BACH1: variants seen among roughly 807,000 people sequenced by gnomAD.
BACH1 encodes BTB domain and CNC homolog 1.
A neutral mutation model predicts 52.9 loss-of-function variants in BACH1; 35 were observed. The observed-to-expected ratio is 0.66, with a 90% confidence interval of 0.51 to 0.88. The LOEUF is 0.88. Among genes scored for constraint, BACH1 ranks in the 40% least tolerant of loss-of-function variants. The probability of loss-of-function intolerance (pLI) is 0.00; values close to 1 mark genes in which losing one functional copy is unlikely to be tolerated. For synonymous variants in BACH1, 321 were observed against 319.6 expected (o/e 1.00, Z -0.05); for missense variants, 808 against 872.6 (o/e 0.93, Z 0.93).
intron 1 of BACH1, among the ~76,000 whole-genome samples, chr21:29,315,589 G>A (rs372207791): frequency 1.2e-4 from 18 of 152,146 alleles, no homozygotes; most frequent in African/African-American, 4.3e-4. Flanking sequence ...CATATGCACC[G>A]TTCCTGATGT....
At position 29,332,062 on chromosome 21, in the gene BACH1, A is replaced by G. The variant is rs542300272; in HGVS notation, c.1776+2369A>G. On this transcript the variant is annotated intron_variant, in intron 4 of 4. Coordinates refer to ENST00000286800, the MANE Select transcript of BACH1 (RefSeq NM_001186.4). Reference sequence around the variant, plus strand: ...ATTCTCCTGCCTCAGCCTCCTGAGTAGCTGGGATTACAGGCACGTGCCACC... The same window carrying G: ...ATTCTCCTGCCTCAGCCTCCTGAGTGGCTGGGATTACAGGCACGTGCCACC... 2.0e-5 allele frequency among the ~76,000 whole-genome samples: 3 copies of G among 152,136 alleles called. No homozygotes were observed. The East Asian group carries it at 5.8e-4, about 29-fold the overall frequency.
At chr21:29,300,159 G>A (rs1049254182) in intron 1 of BACH1, 1 of 152,228 alleles carries the variant, frequency 6.6e-6, no homozygotes, top group Non-Finnish European at 1.5e-5. Context: ...AAGAAGCTTA[G>A]GGAAGAAAGG....
intron 1 of BACH1, among the ~76,000 whole-genome samples, chr21:29,313,508 A>G (rs1321750689): frequency 6.6e-6 from 1 of 152,260 alleles, no homozygotes; most frequent in South Asian, 2.1e-4. Flanking sequence ...CTTTATTACA[A>G]TAATCCCAAA....
chr21:29,299,572 C>G (rs1181030197), intron 1 of BACH1: 2 of 152,260 alleles, frequency 1.3e-5, no homozygotes, highest in Non-Finnish European at 2.9e-5. Flanking sequence ...TTTGCCCACG[C>G]GTTGTAATTA....
chr21:29,317,372 G>A (rs1256864781), intron 1 of BACH1, among the ~76,000 whole-genome samples: 3 of 152,288 alleles, frequency 2.0e-5, no homozygotes, highest in South Asian at 4.1e-4. Flanking sequence ...CTTGGGTTAT[G>A]GCAGGGAACA....
At chr21:29,309,781 C>T (rs2088699425) in intron 1 of BACH1, among the ~76,000 whole-genome samples, 1 of 152,138 alleles carries the variant, frequency 6.6e-6, no homozygotes. Flanking sequence ...ATCTGATTAT[C>T]CACAGCTGCT....
intron 1 of BACH1, among the ~76,000 whole-genome samples, chr21:29,301,871 A>T (rs2088607488): frequency 1.3e-5 from 2 of 152,172 alleles, no homozygotes; most frequent in Non-Finnish European, 2.9e-5. Context: ...ATTTATTCAG[A>T]ATATCAACCT....
intron 1 of BACH1, among the ~76,000 whole-genome samples, chr21:29,301,138 G>A (rs1053821219): frequency 2.0e-5 from 3 of 152,134 alleles, no homozygotes; most frequent in African/African-American, 7.2e-5. Flanking sequence ...TAGGAAAAAC[G>A]ATTTATTTTG....
At chr21:29,332,905 C>T (rs1006107103) in intron 4 of BACH1, among the ~76,000 whole-genome samples, 2 of 152,166 alleles carry the variant, frequency 1.3e-5, no homozygotes, top group African/African-American at 2.4e-5. Context: ...ATAGTGTCTC[C>T]TGCACCTAGA....
intron 1 of BACH1, among the ~76,000 whole-genome samples, chr21:29,302,483 C>CTTAA (rs1237554232): frequency 1.3e-5 from 2 of 152,180 alleles, no homozygotes; most frequent in Admixed American, 1.3e-4. Context: ...AGCCAGACTG[C>CTTAA]TTAAGGTCAG....
At chr21:29,305,617 T>C (rs537890893) in intron 1 of BACH1, among the ~76,000 whole-genome samples, 1 of 152,310 alleles carries the variant, frequency 6.6e-6, no homozygotes, top group South Asian at 2.1e-4. Context: ...TCTTCTTTTT[T>C]GTTGAATTAG....
chr21:29,314,316 G>T (rs1198920683), intron 1 of BACH1, among the ~76,000 whole-genome samples: 1 of 152,058 alleles, frequency 6.6e-6, no homozygotes, highest in Non-Finnish European at 1.5e-5. Flanking sequence ...ATCAAAGTTG[G>T]TTTTCATCAT....
Position 29,342,520 on chromosome 21 carries a change from A to T in BACH1, c.1898A>T (p.Glu633Val), listed in dbSNP as rs768729746. The T allele has an allele frequency of 1.9e-6, 3 of 1,614,232 alleles. No individual in the cohort carries two copies. Among genetic ancestry groups the T allele is most frequent in the Non-Finnish European group, 2.5e-6 (3 of 1,180,046 alleles). ...TGTAAAGAAGCAGCTCTGAGTCAAG[A>T]ACAAATACAGATACTCGCCAAGTAC... ...KVCKEAALSQEQIQILAKYSA... is the reference protein window; with the variant it reads ...KVCKEAALSQVQIQILAKYSA... The change falls in exon 5 of 5, where the codon GAA becomes GTA. Residue 633 changes from glutamate to valine, a missense_variant. Physicochemically the swap from Glu to Val is moderately radical, Grantham distance 121. Transcript: ENST00000286800.
At position 29,321,376 on chromosome 21, in the gene BACH1, G is replaced by T. The variant is rs778974427; in HGVS notation, c.96G>T (p.Val32=). ...TTAATGACCAGCGGAAGAAAGATGT[G>T]CTGTGCGATGTCACCATCTTTGTGG... ...LSLNDQRKKD[V]LCDVTIFVEG... The change falls in exon 2 of 5, where the codon GTG becomes GTT. Residue 32 remains valine (V), a synonymous_variant. Coordinates refer to ENST00000286800, the MANE Select transcript of BACH1 (RefSeq NM_001186.4). The T allele has an allele frequency of 3.1e-6, 5 of 1,614,124 alleles. No individual in the cohort carries two copies. In the South Asian group the frequency reaches 5.5e-5, roughly 18 times the overall value.
Position 29,326,789 on chromosome 21 carries a change from C to A in BACH1, c.965C>A (p.Ser322Tyr). Residue 322 changes from serine to tyrosine, a missense_variant, in exon 3 of 5, where the codon TCT becomes TAT. By Grantham distance (144) the Ser-to-Tyr change is moderately radical. Coordinates refer to ENST00000286800, the MANE Select transcript of BACH1 (RefSeq NM_001186.4). ...NSSIDPHGLYSLSLLHTYDQY... is the reference protein window; with the variant it reads ...NSSIDPHGLYYLSLLHTYDQY... ...TCCATAGACCCTCATGGACTTTATT[C>A]TTTGTCTCTTTTACACACATATGAC... The A allele has an allele frequency of 1.2e-6, 2 of 1,614,088 alleles. No homozygotes were observed. Among genetic ancestry groups the A allele is most frequent in the South Asian group, 1.1e-5 (1 of 91,088 alleles).
Position 29,319,529 on chromosome 21 carries a change from A to G in BACH1, c.-60-1692A>G, listed in dbSNP as rs567332433. Among the ~76,000 whole-genome samples the G allele has an allele frequency of 6.6e-5, 10 of 152,000 alleles. No homozygotes were observed. The South Asian group carries it at 1.9e-3, about 29-fold the overall frequency. On this transcript the variant is annotated intron_variant, in intron 1 of 4. Coordinates refer to ENST00000286800, the MANE Select transcript of BACH1 (RefSeq NM_001186.4). ...ATTATAGAGAACAGGAGACAGGGAC[A>G]TACCAGAAAACTGGTGAACAGTACC...
chr21:29,357,777 C>A (rs2089243718), intron 2 of BACH1, among the ~76,000 whole-genome samples: 1 of 152,226 alleles, frequency 6.6e-6, no homozygotes, highest in Admixed American at 6.5e-5. Flanking sequence ...AGAAAAGTTT[C>A]ATCCTGTGGG....
rs1020612695 is a variant in BACH1 at position 29,321,287 on chromosome 21, C to T, written c.7C>T (p.Leu3=). 1 of 1,613,554 alleles carries T rather than the reference C, an allele frequency of 6.2e-7. No homozygotes were observed. Among genetic ancestry groups the T allele is most frequent in the African/African-American group, 1.3e-5 (1 of 75,050 alleles). The change falls in exon 2 of 5, where the codon CTG becomes TTG. Residue 3 remains leucine, a synonymous_variant. Transcript: ENST00000286800. MS[L]SENSVFAYES... ...ACAACATTTGTTATGCAGAATGTCT[C>T]TGAGTGAGAACTCGGTTTTTGCCTA...
At chr21:29,338,589 A>G (rs901445834) in intron 4 of BACH1, among the ~76,000 whole-genome samples, 3 of 152,044 alleles carry the variant, frequency 2.0e-5, no homozygotes, top group Non-Finnish European at 2.9e-5. Flanking sequence ...GCTCCTCTCA[A>G]AACTCCTGGG....
Sources: gnomAD v4.1 joint callset for allele counts (sites outside exome capture counted in the v4.1 genomes callset) on GRCh38, gnomAD v4.1.1 for gene constraint, MANE v1.5 for transcripts, NCBI Gene and HGNC (gene_info 2026-07-23, HGNC 2026-07-21) for gene names.